The following UBAP1 variants were observed in gnomAD, a reference collection of about 807,000 sequenced individuals.
The protein encoded by UBAP1 is ubiquitin-associated protein 1.
UBAP1 carries 5 observed loss-of-function variants against 39.0 expected under a neutral mutation model. That is an observed-to-expected ratio of 0.13 (90% CI 0.07 to 0.27). The LOEUF (loss-of-function observed/expected upper bound fraction) is 0.27. UBAP1 is among the 10% of genes least tolerant of loss of function. UBAP1 has a pLI of 1.00. For synonymous variants in UBAP1, 211 were observed against 225.1 expected (o/e 0.94, Z 0.56); for missense variants, 490 against 608.1 (o/e 0.81, Z 2.04).
At chr9:34,195,633 T>C (rs985522395) in intron 1 of UBAP1, among the ~76,000 whole-genome samples, 5 of 151,688 alleles carry the variant, frequency 3.3e-5, no homozygotes, top group Non-Finnish European at 7.4e-5. Flanking sequence ...GTTTCACTCT[T>C]GTTGCCCAGG....
chr9:34,195,927 G>GTTTTTTTTTTTTT (rs57040252), intron 1 of UBAP1, among the ~76,000 whole-genome samples: 3 of 36,156 alleles, frequency 8.3e-5, no homozygotes, highest in East Asian at 1.0e-3. Flanking sequence ...AAATTTTTTG[G>GTTTTTTTTTTTTT]TTTTTTTTTT....
chr9:34,208,265 A>G (rs931504785), intron 1 of UBAP1, among the ~76,000 whole-genome samples: 2 of 151,494 alleles, frequency 1.3e-5, no homozygotes, highest in Non-Finnish European at 2.9e-5. Flanking sequence ...TATATATTCA[A>G]TTTTTCCGAA....
chr9:34,222,249 G>A (rs905998296), intron 2 of UBAP1, among the ~76,000 whole-genome samples: 1 of 152,164 alleles, frequency 6.6e-6, no homozygotes, highest in Non-Finnish European at 1.5e-5. Context: ...CTGAGTCAGA[G>A]TGGTGTAGCG....
intron 1 of UBAP1, among the ~76,000 whole-genome samples, chr9:34,212,381 A>T (rs1310651729): frequency 7.1e-6 from 1 of 140,484 alleles, no homozygotes; most frequent in Non-Finnish European, 1.5e-5. Context: ...GTGAGACCTC[A>T]TTTCTATTAA....
chr9:34,182,197 TTTA>T (rs764790351), intron 1 of UBAP1, among the ~76,000 whole-genome samples: 15,675 of 96,248 alleles, frequency 0.16, 1,351 homozygotes, highest in Non-Finnish European at 0.26. Context: ...TATTTATTTA[TTTA>T]TTGAGACTGA....
In UBAP1 at chr9:34,231,183, C is replaced by T. The variant is rs539953158; in HGVS notation, c.35-3033C>T. ...TGTGTGTGTGTGTGTGTGTTGGGGT[C>T]GGGGTTAGATTGAATCCAGAAGAAG... On this transcript the variant is annotated intron_variant, in intron 2 of 6. Coordinates refer to ENST00000297661, the MANE Select transcript of UBAP1 (RefSeq NM_016525.5). Among the ~76,000 whole-genome samples the T allele has an allele frequency of 1.7e-4, 20 of 120,498 alleles. No homozygotes were observed. The South Asian group carries it at 2.5e-3, about 15-fold the overall frequency. The allele number at this position is 120,498 out of a possible 152,430, so 79.1% of individuals were successfully genotyped here.
At chr9:34,234,700 A>G (rs1171097119) in intron 3 of UBAP1, among the ~76,000 whole-genome samples, 2 of 152,186 alleles carry the variant, frequency 1.3e-5, no homozygotes, top group African/African-American at 4.8e-5. Context: ...TGGTAGCGCA[A>G]TGCATTACTC....
At chr9:34,226,127 G>GTGTGTT (rs1554650824) in intron 2 of UBAP1, among the ~76,000 whole-genome samples, 19 of 137,416 alleles carry the variant, frequency 1.4e-4, no homozygotes, top group African/African-American at 5.2e-4. Flanking sequence ...GTGTGTGTGT[G>GTGTGTT]TGTGTGTGTG....
chr9:34,225,993 CAT>C (rs563516219), intron 2 of UBAP1, among the ~76,000 whole-genome samples: 26 of 151,946 alleles, frequency 1.7e-4, no homozygotes, highest in Non-Finnish European at 3.2e-4. Flanking sequence ...TACATATTTA[CAT>C]GTTTAATGTA....
chr9:34,196,318 T>A (rs1282428983), intron 1 of UBAP1, among the ~76,000 whole-genome samples: 4 of 432 alleles, frequency 9.3e-3, no homozygotes, highest in Non-Finnish European at 0.058. Flanking sequence ...TAAAAACAAT[T>A]TTTTTTTTTT....
intron 3 of UBAP1, among the ~76,000 whole-genome samples, chr9:34,240,308 G>A (rs1477035700): frequency 6.6e-6 from 1 of 152,144 alleles, no homozygotes; most frequent in East Asian, 1.9e-4. Context: ...AGTATGACCA[G>A]GGGCTCTTTC....
intron 1 of UBAP1, among the ~76,000 whole-genome samples, chr9:34,203,712 A>G (rs1246978698): frequency 1.3e-5 from 2 of 152,250 alleles, no homozygotes; most frequent in Non-Finnish European, 1.5e-5. Flanking sequence ...GCATACACAT[A>G]TTTCATAAGC....
At chr9:34,181,001 G>A (rs1330052156) in intron 1 of UBAP1, among the ~76,000 whole-genome samples, 1 of 151,598 alleles carries the variant, frequency 6.6e-6, no homozygotes, top group Non-Finnish European at 1.5e-5. Context: ...GTAGAGACGG[G>A]GTTTCACCAT....
intron 2 of UBAP1, among the ~76,000 whole-genome samples, chr9:34,227,119 A>C (rs969815329): frequency 6.6e-6 from 1 of 152,158 alleles, no homozygotes; most frequent in African/African-American, 2.4e-5. Flanking sequence ...TTTTTAATTG[A>C]ATGCCAGACA....
chr9:34,248,901 T>A (rs1834320443), intron 4 of UBAP1, among the ~76,000 whole-genome samples: 1 of 152,234 alleles, frequency 6.6e-6, no homozygotes, highest in Non-Finnish European at 1.5e-5. Context: ...TAAAAGGGCT[T>A]GTGACCTCGT....
intron 1 of UBAP1, among the ~76,000 whole-genome samples, chr9:34,199,722 C>T (rs1041808846): frequency 5.3e-5 from 8 of 151,428 alleles, no homozygotes; most frequent in Admixed American, 2.0e-4. Context: ...GCAACCTTGA[C>T]TACCCCTGGC....
At chr9:34,209,228 A>C (rs955827255) in intron 1 of UBAP1, among the ~76,000 whole-genome samples, 2 of 152,258 alleles carry the variant, frequency 1.3e-5, no homozygotes, top group African/African-American at 4.8e-5. Context: ...GGCGTGAGCC[A>C]CCACGCCTGG....
At chr9:34,224,287 CGGTGTGCTGTCGATGAGTAT>C (rs1832928672) in intron 2 of UBAP1, 1 of 462,712 alleles carries the variant, frequency 2.2e-6, no homozygotes. Flanking sequence ...ACTGTCCATA[CGGTGTGCTGTCGATGAGTAT>C]GGTGTGCTGT....
intron 1 of UBAP1, among the ~76,000 whole-genome samples, chr9:34,217,607 T>C (rs917450962): frequency 7.3e-5 from 11 of 150,982 alleles, no homozygotes; most frequent in African/African-American, 2.7e-4. Flanking sequence ...CGGGGGCACA[T>C]GTGCGGTTTG....
Sources: allele counts gnomAD v4.1 joint callset (sites outside exome capture counted in the v4.1 genomes callset), GRCh38; gene constraint gnomAD v4.1.1; transcripts MANE v1.5; gene names NCBI Gene and HGNC (gene_info 2026-07-23, HGNC 2026-07-21).